The following VSTM2A variants were observed in gnomAD, a reference collection of about 807,000 sequenced individuals.
The protein encoded by VSTM2A is V-set and transmembrane domain containing 2A.
Under a neutral mutation model 27.3 loss-of-function variants are expected in VSTM2A, and 13 were observed. The ratio of observed to expected loss-of-function variants is 0.48; its 90% confidence interval spans 0.31 to 0.76. The LOEUF is 0.76. VSTM2A is among the 30% of genes least tolerant of loss of function. The probability of loss-of-function intolerance (pLI) is 0.05; values close to 1 mark genes in which losing one functional copy is unlikely to be tolerated. For synonymous variants in VSTM2A, 142 were observed against 125.7 expected (o/e 1.13, Z -0.87); for missense variants, 280 against 310.0 (o/e 0.90, Z 0.73).
Position 54,544,803 on chromosome 7 carries a change from C to G in VSTM2A, c.246+15C>G. On this transcript the variant is annotated intron_variant, in intron 2 of 4. Coordinates refer to ENST00000402613, the MANE Select transcript of VSTM2A (RefSeq NM_001301009.2). The stretch of plus-strand genomic sequence containing the variant: ...CCGGCGCGCAGGTAGCGGAGCCCGC[C>G]GACCCCGCGTCTCCCCTTCGCTCGC... 5.7e-6 allele frequency: 9 copies of G among 1,585,302 alleles called. No individual in the cohort carries two copies. The highest frequency in any genetic ancestry group is 7.7e-6 in the Non-Finnish European group (9 of 1,166,078).
At chr7:54,544,595 C>G (rs1787882083) in intron 1 of VSTM2A, 27 bp from the exon 2 acceptor site, 1 of 1,612,680 alleles carries the variant, frequency 6.2e-7, no homozygotes. Flanking sequence ...TGTGGATATT[C>G]CAACAGGATG....
chr7:54,558,949 A>G (rs1179888007), intron 4 of VSTM2A: 1 of 152,112 alleles, frequency 6.6e-6, no homozygotes, highest in East Asian at 1.9e-4. Context: ...TTAAGTAAAT[A>G]ATATGTAACT....
chr7:54,548,805 G>A (rs1311027813), intron 3 of VSTM2A, among the ~76,000 whole-genome samples: 3 of 151,892 alleles, frequency 2.0e-5, no homozygotes, highest in Non-Finnish European at 4.4e-5. Context: ...GTGCTTCTCA[G>A]GTTTTCCTAG....
At chr7:54,554,042 T>C in intron 4 of VSTM2A, 1 of 1,552,946 alleles carries the variant, frequency 6.4e-7, no homozygotes, top group Non-Finnish European at 8.7e-7. Flanking sequence ...GATCAACCCC[T>C]GGTGTGCAGA....
intron 1 of VSTM2A, among the ~76,000 whole-genome samples, chr7:54,543,801 G>A (rs1023623021): frequency 6.6e-6 from 1 of 152,204 alleles, no homozygotes; most frequent in Non-Finnish European, 1.5e-5. Context: ...TTGGTAACAA[G>A]ATAAGAGCAT....
At chr7:54,544,513 G>A (rs1027660878) in intron 1 of VSTM2A, 109 bp from the exon 2 acceptor site, 8 of 1,344,914 alleles carry the variant, frequency 5.9e-6, no homozygotes, top group Admixed American at 1.8e-5. Flanking sequence ...ATGTAAGAGA[G>A]GGGTTTTGTT....
At position 54,558,143 on chromosome 7, in the gene VSTM2A, A is replaced by C. The variant is rs531377435; in HGVS notation, c.634+7973A>C. 5 of 152,350 alleles carry C rather than the reference A, an allele frequency of 3.3e-5. No homozygotes were observed. The South Asian group carries it at 1.0e-3, about 32-fold the overall frequency. The allele number at this position is 152,350 out of a possible 1,614,324, so 9.4% of individuals were successfully genotyped here. On this transcript the variant is annotated intron_variant, in intron 4 of 4. Coordinates refer to ENST00000402613, the MANE Select transcript of VSTM2A (RefSeq NM_001301009.2). ...TAAATAACAGGTATTCTAAAGCCAT[A>C]ATTATACAAATTGGTGTTCATCTTA...
At chr7:54,545,753 AGGGCAGG>A (rs1787934166) in intron 2 of VSTM2A, among the ~76,000 whole-genome samples, 5 of 95,426 alleles carry the variant, frequency 5.2e-5, no homozygotes, top group Non-Finnish European at 5.9e-5. Flanking sequence ...AGGGAAAGAG[AGGGCAGG>A]GAGAGAGAAA....
intron 4 of VSTM2A, 68 bp downstream of exon 4, chr7:54,550,238 T>C: frequency 6.5e-7 from 1 of 1,544,380 alleles, no homozygotes; most frequent in Non-Finnish European, 8.7e-7. Context: ...GTCAGTCGTA[T>C]AGAGTAGACA....
At chr7:54,563,927 A>C (rs529992933) in intron 4 of VSTM2A, among the ~76,000 whole-genome samples, 3 of 152,234 alleles carry the variant, frequency 2.0e-5, no homozygotes, top group Non-Finnish European at 4.4e-5. Context: ...TTCTCAAAAA[A>C]TTATGGGATA....
intron 4 of VSTM2A, among the ~76,000 whole-genome samples, chr7:54,563,246 A>G (rs1001244820): frequency 2.6e-5 from 4 of 152,200 alleles, no homozygotes; most frequent in Non-Finnish European, 5.9e-5. Flanking sequence ...TTAGCTCTAG[A>G]GTCAAACAGA....
chr7:54,547,095 CG>C, intron 3 of VSTM2A, 98 bp downstream of exon 3: 1 of 1,405,828 alleles, frequency 7.1e-7, no homozygotes. Flanking sequence ...GCAGGACAGC[CG>C]GACAGCCGGG....
Position 54,569,501 on chromosome 7 carries a change from G to T in VSTM2A, c.*282G>T, listed in dbSNP as rs1788826537. On this transcript the variant is annotated 3_prime_UTR_variant, in exon 5 of 5. Coordinates refer to ENST00000402613, the MANE Select transcript of VSTM2A (RefSeq NM_001301009.2). ...CTACTAAAGGACCCAGCATCTTCAG[G>T]AAGCAAACAGAGATCAAAAGGCTAC... The T allele has an allele frequency of 1.7e-5, 7 of 419,070 alleles. No individual in the cohort carries two copies. The highest frequency in any genetic ancestry group is 3.0e-5 in the Non-Finnish European group (7 of 234,760). 26.0% of individuals were successfully genotyped at this position (419,070 alleles called of 1,614,324 possible).
intron 2 of VSTM2A, among the ~76,000 whole-genome samples, chr7:54,545,967 A>AG (rs1314654485): frequency 1.7e-5 from 1 of 57,166 alleles, no homozygotes; most frequent in Non-Finnish European, 3.1e-5. Flanking sequence ...ATGAGGGGGA[A>AG]GGGGTGGGAG....
chr7:54,561,595 T>G (rs548989976), intron 4 of VSTM2A, among the ~76,000 whole-genome samples: 1 of 152,346 alleles, frequency 6.6e-6, no homozygotes, highest in East Asian at 1.9e-4. Flanking sequence ...AAATGAGATG[T>G]GAATTTTAAA....
Position 54,569,911 on chromosome 7 carries a change from A to ATT in VSTM2A, c.*693_*694dup, listed in dbSNP as rs1470521628. 1.3e-5 allele frequency: 2 copies of ATT among 152,162 alleles called. No individual in the cohort carries two copies. The highest frequency in any genetic ancestry group is 1.9e-4 in the East Asian group (1 of 5,190). The allele number at this position is 152,162 out of a possible 1,614,324, so 9.4% of individuals were successfully genotyped here. On this transcript the variant is annotated 3_prime_UTR_variant, in exon 5 of 5. Coordinates refer to ENST00000402613, the MANE Select transcript of VSTM2A (RefSeq NM_001301009.2). Reference sequence around the variant, plus strand: ...ACCCTCATGCAAGCTGATTTTTATCATTATATATATAAATATATACTTAAG... The same window carrying ATT: ...ACCCTCATGCAAGCTGATTTTTATCATTTTATATATATAAATATATACTTAAG...
In VSTM2A at chr7:54,550,011, G is replaced by T. The variant is rs749775329; in HGVS notation, c.475G>T (p.Ala159Ser). ...NANSHARRMQ[A>S]FEASPMWLQD... ...CAACAGCCATGCCCGCAGAATGCAGGCCTTCGAAGCCTCGCCCATGTGGCT... is the reference window on the plus strand; with the variant it reads ...CAACAGCCATGCCCGCAGAATGCAGTCCTTCGAAGCCTCGCCCATGTGGCT... The change falls in exon 4 of 5, where the codon GCC becomes TCC. Residue 159 changes from alanine (A) to serine (S), a missense_variant. Transcript: ENST00000402613. 1 of 1,612,152 alleles carries T rather than the reference G, an allele frequency of 6.2e-7. No individual in the cohort carries two copies. The highest frequency in any genetic ancestry group is 8.5e-7 in the Non-Finnish European group (1 of 1,179,100).
intron 4 of VSTM2A, among the ~76,000 whole-genome samples, chr7:54,552,720 G>C (rs1217564958): frequency 6.6e-6 from 1 of 152,262 alleles, no homozygotes; most frequent in East Asian, 1.9e-4. Flanking sequence ...TTCTATGAAA[G>C]GCAAGATGTG....
intron 1 of VSTM2A, 124 bp from the exon 2 acceptor site, chr7:54,544,498 C>A: frequency 1.6e-6 from 2 of 1,213,598 alleles, no homozygotes; most frequent in Non-Finnish European, 2.4e-6. Context: ...CAGACGAAGC[C>A]GAGGATGTAA....
Sources: allele counts gnomAD v4.1 joint callset (sites outside exome capture counted in the v4.1 genomes callset), GRCh38; gene constraint gnomAD v4.1.1; transcripts MANE v1.5; gene names NCBI Gene and HGNC (gene_info 2026-07-23, HGNC 2026-07-21).